The following FYB2 variants were observed in gnomAD, a reference collection of about 807,000 sequenced individuals.
FYB2 encodes the protein FYN-binding protein 2.
In FYB2, 103 loss-of-function variants were observed where a neutral mutation model predicts 94.1. That is an observed-to-expected ratio of 1.09 (90% CI 0.93 to 1.29). The LOEUF is 1.29. FYB2 is among the 50% of genes most tolerant of loss of function. FYB2 has a pLI of 0.00. For synonymous variants in FYB2, 293 were observed against 287.9 expected (o/e 1.02, Z -0.18); for missense variants, 896 against 841.5 (o/e 1.06, Z -0.80).
At chr1:56,758,843 T>A (rs1236021763) in intron 5 of FYB2, 93 bp from the exon 6 acceptor site, 8 of 981,056 alleles carry the variant, frequency 8.2e-6, no homozygotes, top group Non-Finnish European at 1.0e-5. Flanking sequence ...GATTCCAGAA[T>A]TCAGTTTTCT....
intron 15 of FYB2, among the ~76,000 whole-genome samples, chr1:56,730,308 A>G (rs1380538753): frequency 8.2e-6 from 1 of 121,342 alleles, no homozygotes; most frequent in African/African-American, 3.0e-5. Flanking sequence ...GGTGAGAAGG[A>G]GAGGGGAGGG....
At chr1:56,815,354 A>T (rs567168399) in intron 1 of FYB2, among the ~76,000 whole-genome samples, 1 of 152,130 alleles carries the variant, frequency 6.6e-6, no homozygotes, top group Non-Finnish European at 1.5e-5. Context: ...ATCCATACTC[A>T]GTGCTTCCAT....
chr1:56,800,474 A>T (rs985761523), intron 1 of FYB2, among the ~76,000 whole-genome samples: 19 of 152,260 alleles, frequency 1.2e-4, no homozygotes, highest in Non-Finnish European at 2.8e-4. Flanking sequence ...TAAAGGCAAA[A>T]AAATAAATAA....
chr1:56,769,574 G>T (rs1430784085), intron 4 of FYB2, among the ~76,000 whole-genome samples: 2 of 151,814 alleles, frequency 1.3e-5, no homozygotes, highest in Non-Finnish European at 2.9e-5. Flanking sequence ...AGTGGAAGAG[G>T]GCTATGAAAA....
chr1:56,753,879 T>C lies in FYB2; in HGVS notation c.1187A>G (p.Lys396Arg). The change falls in exon 8 of 20, where the codon AAA becomes AGA. Residue 396 changes from lysine (K) to arginine (R), a missense_variant. By Grantham distance (26) the Lys-to-Arg change is conservative. Coordinates refer to ENST00000343433, the MANE Select transcript of FYB2 (RefSeq NM_001004303.5). ...KEKQPCELKP[K>R]NTEKEPYSNH... ...TGAATATGGTTCCTTTTCTGTGTTT[T>C]TAGGTTTCAATTCACATGGTTGTTT... 1 of 1,611,602 alleles carries C rather than the reference T, an allele frequency of 6.2e-7. No homozygotes were observed. Among genetic ancestry groups the C allele is most frequent in the Non-Finnish European group, 8.5e-7 (1 of 1,178,134 alleles).
Position 56,738,672 on chromosome 1 carries a change from C to A in FYB2, c.1704-19G>T, listed in dbSNP as rs1450593289. 1 of 1,608,904 alleles carries A rather than the reference C, an allele frequency of 6.2e-7. No homozygotes were observed. The highest frequency in any genetic ancestry group is 2.2e-5 in the East Asian group (1 of 44,658). On this transcript the variant is annotated intron_variant, in intron 13 of 19. Transcript: ENST00000343433. ...AAATGCACTGTTGATTGACAAAAGA[C>A]ACAAAAGAGTTAAGGAAAAAAACCA...
chr1:56,819,192 C>A, intron 1 of FYB2, 90 bp downstream of exon 1: 1 of 1,553,396 alleles, frequency 6.4e-7, no homozygotes. Context: ...CACACACAAG[C>A]AGTTTTTCCC....
At chr1:56,738,707 A>G (rs1644885174) in intron 13 of FYB2, 54 bp from the exon 14 acceptor site, 6 of 1,563,476 alleles carry the variant, frequency 3.8e-6, no homozygotes, top group Non-Finnish European at 5.3e-6. Flanking sequence ...ATGTTTGGAA[A>G]GATGAGCTGA....
intron 19 of FYB2, 126 bp from the exon 20 acceptor site, chr1:56,719,818 C>A: frequency 1.8e-6 from 2 of 1,106,526 alleles, no homozygotes; most frequent in Non-Finnish European, 2.6e-6. Flanking sequence ...GTTTATAAAG[C>A]TGTGTAGAGA....
At chr1:56,738,542 G>A in intron 14 of FYB2, 83 bp downstream of exon 14, 1 of 1,360,636 alleles carries the variant, frequency 7.3e-7, no homozygotes, top group Admixed American at 2.2e-5. Context: ...GGGAATGCAG[G>A]AAGGGTTACC....
chr1:56,767,185 A>G (rs1042178558), intron 5 of FYB2, among the ~76,000 whole-genome samples: 4 of 152,236 alleles, frequency 2.6e-5, no homozygotes, highest in African/African-American at 4.8e-5. Flanking sequence ...TGTGCCTTTT[A>G]TAGAGAACTG....
intron 1 of FYB2, among the ~76,000 whole-genome samples, chr1:56,804,066 C>T (rs779084602): frequency 9.2e-5 from 14 of 152,214 alleles, no homozygotes; most frequent in Non-Finnish European, 1.0e-4. Flanking sequence ...GTGAGGCCAG[C>T]TCAGCACCTG....
intron 14 of FYB2, among the ~76,000 whole-genome samples, chr1:56,737,909 T>C (rs139658518): frequency 1.3e-5 from 2 of 152,228 alleles, no homozygotes; most frequent in African/African-American, 4.8e-5. Flanking sequence ...TTTTATCAGG[T>C]ATATATAATT....
intron 1 of FYB2, 36 bp from the exon 2 acceptor site, chr1:56,792,839 C>T: frequency 6.5e-7 from 1 of 1,540,740 alleles, no homozygotes; most frequent in Non-Finnish European, 8.7e-7. Flanking sequence ...CAAACAAAAA[C>T]AAAAACAAAC....
chr1:56,734,888 C>T (rs1644797616), intron 15 of FYB2, among the ~76,000 whole-genome samples: 1 of 151,662 alleles, frequency 6.6e-6, no homozygotes, highest in South Asian at 2.1e-4. Context: ...CAGGGAAATG[C>T]AAATCAAAAC....
intron 1 of FYB2, among the ~76,000 whole-genome samples, chr1:56,812,975 G>A (rs1250964254): frequency 1.3e-5 from 2 of 152,196 alleles, no homozygotes; most frequent in African/African-American, 4.8e-5. Flanking sequence ...AAAAGTCCAA[G>A]ATCAAGATGC....
intron 1 of FYB2, among the ~76,000 whole-genome samples, chr1:56,811,358 T>G (rs1292411265): frequency 6.6e-6 from 1 of 152,228 alleles, no homozygotes; most frequent in Non-Finnish European, 1.5e-5. Context: ...TTTAAAACTT[T>G]CTTTCCCTCC....
intron 17 of FYB2, among the ~76,000 whole-genome samples, chr1:56,723,374 T>G (rs1299911885): frequency 1.3e-5 from 2 of 151,820 alleles, no homozygotes; most frequent in East Asian, 1.9e-4. Flanking sequence ...AAGAACAACT[T>G]AGGAGTTTTT....
At chr1:56,750,907 G>T in intron 9 of FYB2, 137 bp downstream of exon 9, 1 of 983,780 alleles carries the variant, frequency 1.0e-6, no homozygotes, top group Admixed American at 2.6e-5. Flanking sequence ...CTACTGCACA[G>T]CTTCCTCACT....
Sources: allele counts gnomAD v4.1 joint callset (sites outside exome capture counted in the v4.1 genomes callset), GRCh38; gene constraint gnomAD v4.1.1; transcripts MANE v1.5; gene names NCBI Gene and HGNC (gene_info 2026-07-23, HGNC 2026-07-21).